GULP1: variants seen among roughly 807,000 people sequenced by gnomAD.
GULP1 encodes the protein GULP PTB domain containing engulfment adaptor 1, also known as PTB domain-containing engulfment adapter protein 1.
In GULP1, 19 loss-of-function variants were observed where a neutral mutation model predicts 40.9. The ratio of observed to expected loss-of-function variants is 0.46; its 90% CI spans 0.32 to 0.68. The LOEUF (loss-of-function observed/expected upper bound fraction) is 0.68. Ranked by LOEUF, GULP1 falls within the 30% of genes least tolerant of loss-of-function variation. The pLI is 0.03. For synonymous variants in GULP1, 119 were observed against 117.6 expected, an observed-to-expected ratio of 1.01 and a Z score of -0.08; for missense variants, 312 against 362.2, an observed-to-expected ratio of 0.86 and a Z score of 1.12.
At chr2:188,523,895 C>T (rs1277826525) in intron 5 of GULP1, among the ~76,000 whole-genome samples, 4 of 152,112 alleles carry the variant, frequency 2.6e-5, no homozygotes, top group Admixed American at 6.6e-5. Flanking sequence ...ATGCTAAAAT[C>T]TCCGAAGATA....
At chr2:188,555,195 G>A (rs934522621) in intron 7 of GULP1, among the ~76,000 whole-genome samples, 3 of 152,048 alleles carry the variant, frequency 2.0e-5, no homozygotes, top group Non-Finnish European at 4.4e-5. Flanking sequence ...ATTGTTTTCT[G>A]GTTGTTTTAT....
intron 4 of GULP1, among the ~76,000 whole-genome samples, chr2:188,509,276 T>C (rs559428151): frequency 1.5e-4 from 23 of 152,078 alleles, no homozygotes; most frequent in Non-Finnish European, 3.4e-4. Context: ...TTTTTTGTTA[T>C]TGTTGTATGT....
chr2:188,509,068 C>T (rs923444281), intron 4 of GULP1, among the ~76,000 whole-genome samples: 8 of 152,040 alleles, frequency 5.3e-5, no homozygotes, highest in African/African-American at 1.9e-4. Flanking sequence ...CACCAAGCCA[C>T]GTCCACAGGG....
chr2:188,449,893 A>G (rs2058694911), intron 2 of GULP1, among the ~76,000 whole-genome samples: 1 of 152,046 alleles, frequency 6.6e-6, no homozygotes, highest in South Asian at 2.1e-4. Flanking sequence ...GAGTTTATTC[A>G]TTTTTTACTT....
At chr2:188,341,724 AAATT>A (rs2042993433) in intron 1 of GULP1, among the ~76,000 whole-genome samples, 1 of 152,208 alleles carries the variant, frequency 6.6e-6, no homozygotes, top group Non-Finnish European at 1.5e-5. Flanking sequence ...TTTTTAATAT[AAATT>A]ATCACATTTC....
intron 1 of GULP1, among the ~76,000 whole-genome samples, chr2:188,336,358 T>C (rs928561076): frequency 1.3e-5 from 2 of 152,154 alleles, no homozygotes; most frequent in African/African-American, 4.8e-5. Flanking sequence ...GTTTGTGAAA[T>C]GGGCCTATTG....
chr2:188,466,787 T>C (rs1157552708), intron 2 of GULP1, among the ~76,000 whole-genome samples: 5 of 152,122 alleles, frequency 3.3e-5, no homozygotes, highest in Non-Finnish European at 7.4e-5. Context: ...CAGCATCTCA[T>C]CTTTGCTGTC....
At chr2:188,512,524 T>C (rs2064693551) in intron 4 of GULP1, among the ~76,000 whole-genome samples, 1 of 152,132 alleles carries the variant, frequency 6.6e-6, no homozygotes, top group Non-Finnish European at 1.5e-5. Flanking sequence ...TTAGACTTCG[T>C]AACTCTTTAG....
chr2:188,471,834 T>C (rs1024539911), intron 2 of GULP1, among the ~76,000 whole-genome samples: 3 of 152,168 alleles, frequency 2.0e-5, no homozygotes, highest in Non-Finnish European at 4.4e-5. Flanking sequence ...CAGTATTCTG[T>C]TTTTCTGTGT....
At chr2:188,401,829 T>A (rs547155423) in intron 2 of GULP1, among the ~76,000 whole-genome samples, 1 of 152,254 alleles carries the variant, frequency 6.6e-6, no homozygotes, top group African/African-American at 2.4e-5. Flanking sequence ...CAGAAATAGA[T>A]CATTTTATGT....
intron 4 of GULP1, among the ~76,000 whole-genome samples, chr2:188,504,452 G>A (rs1238101658): frequency 2.6e-5 from 4 of 151,814 alleles, no homozygotes; most frequent in Non-Finnish European, 4.4e-5. Context: ...ATTAAATGTT[G>A]TTATAACAAT....
intron 2 of GULP1, among the ~76,000 whole-genome samples, chr2:188,438,997 T>G (rs1240269047): frequency 1.3e-5 from 2 of 152,082 alleles, no homozygotes; most frequent in African/African-American, 4.8e-5. Context: ...GAACTCTCTA[T>G]GAATTGTTTG....
At chr2:188,537,853 C>G (rs1194984655) in intron 6 of GULP1, among the ~76,000 whole-genome samples, 1 of 152,040 alleles carries the variant, frequency 6.6e-6, no homozygotes, top group African/African-American at 2.4e-5. Flanking sequence ...ATTACTGATT[C>G]AATTTCAGAA....
At chr2:188,576,103 G>A (rs1200852644) in intron 9 of GULP1, among the ~76,000 whole-genome samples, 1 of 152,088 alleles carries the variant, frequency 6.6e-6, no homozygotes. Flanking sequence ...TGACTTAGGA[G>A]TAGTGAGTGG....
intron 2 of GULP1, among the ~76,000 whole-genome samples, chr2:188,455,162 C>T (rs2059156275): frequency 6.6e-6 from 1 of 151,904 alleles, no homozygotes; most frequent in Non-Finnish European, 1.5e-5. Context: ...ATAAAATGTT[C>T]TTAGATATAA....
At chr2:188,503,277 G>T (rs2063599314) in intron 4 of GULP1, among the ~76,000 whole-genome samples, 1 of 151,654 alleles carries the variant, frequency 6.6e-6, no homozygotes, top group Admixed American at 6.6e-5. Flanking sequence ...CTGCTATAAA[G>T]AACTGCTTGA....
intron 4 of GULP1, among the ~76,000 whole-genome samples, chr2:188,509,938 C>G (rs2064333522): frequency 6.6e-6 from 1 of 152,002 alleles, no homozygotes; most frequent in African/African-American, 2.4e-5. Flanking sequence ...ATATCTGAAA[C>G]AGGACCTGAT....
chr2:188,412,042 G>A (rs928584974), intron 2 of GULP1, among the ~76,000 whole-genome samples: 2 of 152,166 alleles, frequency 1.3e-5, no homozygotes, highest in Admixed American at 6.5e-5. Flanking sequence ...GGCAGGAGTG[G>A]ATACCATGAG....
chr2:188,350,816 A>G (rs950896666), intron 1 of GULP1, among the ~76,000 whole-genome samples: 18 of 152,134 alleles, frequency 1.2e-4, no homozygotes, highest in African/African-American at 4.3e-4. Flanking sequence ...AATCATTCTC[A>G]TTTTGTAACG....
Sources: gnomAD v4.1 joint callset for allele counts (sites outside exome capture counted in the v4.1 genomes callset) on GRCh38, gnomAD v4.1.1 for gene constraint, MANE v1.5 for transcripts, NCBI Gene and HGNC (gene_info 2026-07-23, HGNC 2026-07-21) for gene names.